Variants in ZNF292 observed in about 807,000 individuals in gnomAD.
ZNF292 encodes the protein 16 zinc-finger domain protein.
Under a neutral mutation model 217.9 loss-of-function variants are expected in ZNF292, and 26 were observed. The observed-to-expected ratio is 0.12, with a 90% CI of 0.09 to 0.17. The LOEUF (loss-of-function observed/expected upper bound fraction) is 0.17. Ranked by LOEUF, ZNF292 falls within the 10% of genes least tolerant of loss-of-function variation. The pLI is 1.00. For missense variants in ZNF292, 2,904 were observed against 3,175.2 expected, an observed-to-expected ratio of 0.91 and a Z score of 2.05; for synonymous variants, 1,257 against 1,124.1, an observed-to-expected ratio of 1.12 and a Z score of -2.37.
Position 87,258,141 on chromosome 6 carries a change from G to T in ZNF292, c.4512G>T (p.Glu1504Asp). 6.2e-7 allele frequency: 1 copy of T among 1,612,098 alleles called. No homozygotes were observed. The highest frequency in any genetic ancestry group is 2.2e-5 in the East Asian group (1 of 44,820). The change falls in exon 8 of 8, where the codon GAG (glutamate) becomes GAT (aspartate). Residue 1504 changes from glutamate (E) to aspartate (D), a missense_variant. Glu to Asp is a conservative substitution (Grantham distance 45). This residue lies in a region of ZNF292 where 622 missense variants were observed against 573.1 expected (regional missense o/e 1.09). Transcript: ENST00000369577. ...LETAGIPSTFEGAEMLSHVST... is the reference protein window; with the variant it reads ...LETAGIPSTFDGAEMLSHVST... Reference sequence around the variant, plus strand: ...CTGCTGGCATTCCCAGTACATTTGAGGGTGCCGAAATGCTTTCTCATGTTT... The same window carrying T: ...CTGCTGGCATTCCCAGTACATTTGATGGTGCCGAAATGCTTTCTCATGTTT...
At chr6:87,232,717 A>AGAAGTTTTATCCTTTGGC (rs6149683) in intron 4 of ZNF292, among the ~76,000 whole-genome samples, 4 of 151,166 alleles carry the variant, frequency 2.6e-5, no homozygotes, top group Non-Finnish European at 4.4e-5. Flanking sequence ...TAAAACCCAC[A>AGAAGTTTTATCCTTTGGC]GAAGTTTTAT....
chr6:87,174,333 A>T (rs1211467804), intron 1 of ZNF292: 1 of 152,258 alleles, frequency 6.6e-6, no homozygotes, highest in African/African-American at 2.4e-5. Context: ...AATACTGTTC[A>T]GTTTCTTGTC....
At chr6:87,211,271 C>G (rs898421967) in intron 1 of ZNF292, among the ~76,000 whole-genome samples, 1 of 152,174 alleles carries the variant, frequency 6.6e-6, no homozygotes, top group Non-Finnish European at 1.5e-5. Context: ...GAAAGTGTCT[C>G]TTTTAAACTT....
At chr6:87,218,817 A>T in intron 4 of ZNF292, 86 bp downstream of exon 4, 1 of 1,385,622 alleles carries the variant, frequency 7.2e-7, no homozygotes, top group Non-Finnish European at 9.7e-7. Flanking sequence ...ATTTATCTCA[A>T]GATATTCCAA....
intron 1 of ZNF292, among the ~76,000 whole-genome samples, chr6:87,203,699 G>A (rs1445461210): frequency 2.0e-5 from 3 of 151,996 alleles, no homozygotes; most frequent in African/African-American, 7.3e-5. Context: ...TCAAGATAAG[G>A]AGGGCACCAT....
chr6:87,230,590 C>T (rs911536740), intron 4 of ZNF292, among the ~76,000 whole-genome samples: 4 of 151,838 alleles, frequency 2.6e-5, no homozygotes, highest in Non-Finnish European at 4.4e-5. Context: ...AAAAATTAGC[C>T]GGGCGTGGTG....
In ZNF292 at chr6:87,265,422, T is replaced by C. The variant is rs544056097; in HGVS notation, c.*3621T>C. 2.0e-5 allele frequency among the ~76,000 whole-genome samples: 3 copies of C among 152,276 alleles called. No homozygotes were observed. Among genetic ancestry groups the C allele is most frequent in the African/African-American group, 7.2e-5 (3 of 41,550 alleles). On this transcript the variant is annotated 3_prime_UTR_variant, in exon 8 of 8. Coordinates refer to ENST00000369577, the MANE Select transcript of ZNF292 (RefSeq NM_015021.3). ...ATTTTTAGTAGAGACGGTTTCACCATGTTGGCCAGGCTGGTCTTGAACTCC... is the reference window on the plus strand; with the variant it reads ...ATTTTTAGTAGAGACGGTTTCACCACGTTGGCCAGGCTGGTCTTGAACTCC...
chr6:87,261,490 AAAG>A lies in ZNF292; in HGVS notation c.7862_7864del (p.Lys2621_Gly2622delinsArg), dbSNP rs1677767950. On this transcript the variant is annotated inframe_deletion, in exon 8 of 8. Transcript: ENST00000369577. ...AGACCATCCGAATACTGGAAACAAA[AAAG>A]GATCCCATTCAAATTCAAGAAAAAA... is the stretch of plus-strand genomic sequence containing the variant. 11 of 1,605,088 alleles carry A rather than the reference AAAG, an allele frequency of 6.9e-6. No individual in the cohort carries two copies. Among genetic ancestry groups the A allele is most frequent in the Non-Finnish European group, 9.4e-6 (11 of 1,175,226 alleles).
intron 1 of ZNF292, among the ~76,000 whole-genome samples, chr6:87,202,589 T>A (rs1459134074): frequency 6.6e-6 from 1 of 152,228 alleles, no homozygotes; most frequent in Non-Finnish European, 1.5e-5. Context: ...AGGGAAATGC[T>A]TCTAACATTT....
At chr6:87,166,847 A>G (rs1005068210) in intron 1 of ZNF292, among the ~76,000 whole-genome samples, 4 of 152,160 alleles carry the variant, frequency 2.6e-5, no homozygotes. Flanking sequence ...TGTACATACA[A>G]TGCTTTGATG....
intron 1 of ZNF292, chr6:87,169,612 A>G (rs2127772589): frequency 2.7e-6 from 1 of 367,102 alleles, no homozygotes; most frequent in East Asian, 9.6e-5. Flanking sequence ...TGATTATGCT[A>G]CTTTTAAAAG....
intron 1 of ZNF292, among the ~76,000 whole-genome samples, chr6:87,206,678 AT>A (rs2127793617): frequency 6.6e-6 from 1 of 152,166 alleles, no homozygotes; most frequent in South Asian, 2.1e-4. Flanking sequence ...GCTATTCTTT[AT>A]TTTCTCTTTT....
Position 87,256,897 on chromosome 6 carries a change from C to T in ZNF292, c.3268C>T (p.Pro1090Ser), listed in dbSNP as rs775807272. Reference sequence around the variant, plus strand: ...TAATTCATTAGGAACTCCATCAGTGCCTCCAAAAGCTCCAGTTCAGAAATT... The same window carrying T: ...TAATTCATTAGGAACTCCATCAGTGTCTCCAAAAGCTCCAGTTCAGAAATT... ...LSNSLGTPSV[P>S]PKAPVQKFSC... The change falls in exon 8 of 8, where the codon CCT becomes TCT. Residue 1090 changes from proline to serine, a missense_variant. Coordinates refer to ENST00000369577, the MANE Select transcript of ZNF292 (RefSeq NM_015021.3). The T allele has an allele frequency of 6.2e-7, 1 of 1,613,864 alleles. No homozygotes were observed. Among genetic ancestry groups the T allele is most frequent in the South Asian group, 1.1e-5 (1 of 91,084 alleles).
intron 1 of ZNF292, among the ~76,000 whole-genome samples, chr6:87,193,104 C>G (rs1018469833): frequency 6.6e-6 from 1 of 152,194 alleles, no homozygotes; most frequent in Non-Finnish European, 1.5e-5. Flanking sequence ...TTCTCCTGCC[C>G]TAGCCTCCAA....
intron 1 of ZNF292, among the ~76,000 whole-genome samples, chr6:87,212,482 G>T (rs1232386360): frequency 6.6e-6 from 1 of 152,150 alleles, no homozygotes; most frequent in Non-Finnish European, 1.5e-5. Flanking sequence ...AAGCTATCTA[G>T]AAGCTCCTCA....
At chr6:87,227,885 G>A (rs1773436634) in intron 4 of ZNF292, among the ~76,000 whole-genome samples, 1 of 152,144 alleles carries the variant, frequency 6.6e-6, no homozygotes, top group African/African-American at 2.4e-5. Flanking sequence ...TGGTTATTGT[G>A]AGTAGTGCTA....
intron 7 of ZNF292, among the ~76,000 whole-genome samples, chr6:87,250,269 CAA>C (rs774990265): frequency 1.7e-5 from 2 of 115,296 alleles, no homozygotes; most frequent in Non-Finnish European, 1.7e-5. Context: ...TGATCTCTAC[CAA>C]AAAAAAAAAA....
chr6:87,208,997 G>T (rs1234497331), intron 1 of ZNF292, among the ~76,000 whole-genome samples: 1 of 152,118 alleles, frequency 6.6e-6, no homozygotes, highest in Non-Finnish European at 1.5e-5. Context: ...AAGAGTGGCA[G>T]TACCTCGCTT....
rs370935062 is a variant in ZNF292 at position 87,260,731 on chromosome 6, A to G, written c.7102A>G (p.Ile2368Val). The G allele has an allele frequency of 2.0e-4, 318 of 1,613,474 alleles. 4 individuals carry two copies. In the South Asian group the frequency reaches 2.8e-3, roughly 14 times the overall value. ...GAAACGTGGGAAGCATGTATATTCTATAAAGGCTAGAAATGATGCCCTGTC... is the reference window on the plus strand; with the variant it reads ...GAAACGTGGGAAGCATGTATATTCTGTAAAGGCTAGAAATGATGCCCTGTC... ...SLKRGKHVYS[I>V]KARNDALSEC... The change falls in exon 8 of 8, where the codon ATA (isoleucine) becomes GTA (valine). Residue 2368 changes from isoleucine to valine, a missense_variant. By Grantham distance (29) the Ile-to-Val change is conservative. Coordinates refer to ENST00000369577, the MANE Select transcript of ZNF292 (RefSeq NM_015021.3).
Sources: allele counts gnomAD v4.1 joint callset (sites outside exome capture counted in the v4.1 genomes callset), GRCh38; gene constraint gnomAD v4.1.1; regional missense constraint gnomAD v4.1.1; transcripts MANE v1.5; gene names NCBI Gene and HGNC (gene_info 2026-07-23, HGNC 2026-07-21).